PHACTR1: variants seen among roughly 807,000 people sequenced by gnomAD.
The protein encoded by PHACTR1 is phosphatase and actin regulator 1.
In PHACTR1, 16 loss-of-function variants were observed where a neutral mutation model predicts 69.2. The ratio of observed to expected loss-of-function variants is 0.23; its 90% CI spans 0.16 to 0.35. PHACTR1 has a LOEUF of 0.35. PHACTR1 is among the 10% of genes least tolerant of loss of function. The probability of loss-of-function intolerance (pLI) is 1.00; values close to 1 mark genes in which losing one functional copy is unlikely to be tolerated. For missense variants in PHACTR1, 510 were observed against 734.7 expected, an observed-to-expected ratio of 0.69 and a Z score of 3.54; for synonymous variants, 312 against 284.5, an observed-to-expected ratio of 1.10 and a Z score of -0.97.
chr6:12,951,512 C>A (rs1562046338), intron 4 of PHACTR1, among the ~76,000 whole-genome samples: 1 of 152,224 alleles, frequency 6.6e-6, no homozygotes, highest in Non-Finnish European at 1.5e-5. Context: ...GATGAGGAAA[C>A]TGAGGCTCTC....
intron 5 of PHACTR1, among the ~76,000 whole-genome samples, chr6:13,062,845 T>C (rs749766051): frequency 1.3e-5 from 2 of 152,188 alleles, no homozygotes; most frequent in Non-Finnish European, 2.9e-5. Context: ...TAAGACTAGC[T>C]ATGTCCACCA....
intron 4 of PHACTR1, among the ~76,000 whole-genome samples, chr6:12,945,616 G>A (rs1421190887): frequency 6.6e-6 from 1 of 152,160 alleles, no homozygotes; most frequent in African/African-American, 2.4e-5. Flanking sequence ...AGGAAACACT[G>A]GGTAGCAAAG....
chr6:13,033,739 T>C (rs1450536348), intron 4 of PHACTR1, among the ~76,000 whole-genome samples: 2 of 152,190 alleles, frequency 1.3e-5, no homozygotes, highest in Non-Finnish European at 2.9e-5. Flanking sequence ...GTATGAACTA[T>C]TCTAGAAAAG....
chr6:12,879,146 G>T (rs577549971), intron 4 of PHACTR1, among the ~76,000 whole-genome samples: 7 of 152,162 alleles, frequency 4.6e-5, no homozygotes, highest in Non-Finnish European at 8.8e-5. Flanking sequence ...TGCTGGAGGC[G>T]ATGAAAATTT....
At chr6:12,881,918 A>G (rs954833970) in intron 4 of PHACTR1, among the ~76,000 whole-genome samples, 2 of 152,216 alleles carry the variant, frequency 1.3e-5, no homozygotes, top group African/African-American at 4.8e-5. Context: ...GGGATAAAGG[A>G]AGAGTAAAAA....
chr6:13,086,044 G>T (rs1812219295), intron 5 of PHACTR1, among the ~76,000 whole-genome samples: 1 of 109,526 alleles, frequency 9.1e-6, no homozygotes, highest in Non-Finnish European at 1.7e-5. Flanking sequence ...AAAAATCTAG[G>T]CAAAGTAATT....
intron 6 of PHACTR1, among the ~76,000 whole-genome samples, chr6:13,162,095 G>A (rs1583654713): frequency 4.5e-5 from 1 of 22,240 alleles, no homozygotes; most frequent in African/African-American, 2.1e-4. Context: ...CCCTTGTTTT[G>A]TTGTTGTTGT....
intron 3 of PHACTR1, among the ~76,000 whole-genome samples, chr6:12,744,200 C>T (rs1424965167): frequency 6.6e-6 from 1 of 152,174 alleles, no homozygotes; most frequent in Non-Finnish European, 1.5e-5. Flanking sequence ...CTTTTATTGG[C>T]TCTATAAGTC....
intron 4 of PHACTR1, among the ~76,000 whole-genome samples, chr6:12,802,546 T>G (rs1464343955): frequency 6.6e-6 from 1 of 152,192 alleles, no homozygotes; most frequent in East Asian, 1.9e-4. Flanking sequence ...GTGGAATGTA[T>G]TTTCTTTATT....
chr6:13,037,541 A>G (rs982516085), intron 4 of PHACTR1, among the ~76,000 whole-genome samples: 1 of 152,248 alleles, frequency 6.6e-6, no homozygotes, highest in Non-Finnish European at 1.5e-5. Flanking sequence ...TTAGCCAGGC[A>G]GACCGAATGG....
intron 5 of PHACTR1, among the ~76,000 whole-genome samples, chr6:13,141,105 G>A (rs1443372709): frequency 2.6e-5 from 4 of 152,176 alleles, no homozygotes; most frequent in East Asian, 1.9e-4. Context: ...GAAAGAAAAA[G>A]AAAATGGGTT....
At chr6:13,174,087 G>A (rs550687539) in intron 6 of PHACTR1, among the ~76,000 whole-genome samples, 2 of 151,850 alleles carry the variant, frequency 1.3e-5, no homozygotes, top group South Asian at 2.1e-4. Context: ...TACATAAGAC[G>A]AAGTCTCTAT....
chr6:12,718,898 T>G, intron 3 of PHACTR1, 51 bp downstream of exon 3: 21 of 1,125,112 alleles, frequency 1.9e-5, no homozygotes, highest in Non-Finnish European at 2.2e-5. Flanking sequence ...CGGTTTTATA[T>G]GAACAGCCAT....
chr6:13,104,291 T>TA (rs1561835855), intron 5 of PHACTR1, among the ~76,000 whole-genome samples: 1 of 152,150 alleles, frequency 6.6e-6, no homozygotes, highest in African/African-American at 2.4e-5. Context: ...ATAGGAAAGG[T>TA]AAAAAAGAAA....
In PHACTR1 at chr6:13,245,359, A is replaced by G. The variant is rs1376249218; in HGVS notation, c.1391+15166A>G. Among the ~76,000 whole-genome samples the G allele has an allele frequency of 6.6e-6, 1 of 152,168 alleles. No individual in the cohort carries two copies. The highest frequency in any genetic ancestry group is 2.4e-5 in the African/African-American group (1 of 41,436). On this transcript the variant is annotated intron_variant, in intron 10 of 14. Transcript: ENST00000332995. The surrounding 1 kb of genome is among the most constrained non-coding windows in gnomAD (Gnocchi z 4.1). ...ATCTATTATTTTTTGACTTTTTAAT[A>G]ATAGACATTCTGACTGGTGTGAGAT...
chr6:13,140,566 A>T (rs761754868), intron 5 of PHACTR1, among the ~76,000 whole-genome samples: 1 of 152,250 alleles, frequency 6.6e-6, no homozygotes, highest in Non-Finnish European at 1.5e-5. Flanking sequence ...ATTCCACTTA[A>T]TGAGACACCT....
intron 8 of PHACTR1, among the ~76,000 whole-genome samples, chr6:13,223,836 C>T (rs1300237083): frequency 6.6e-6 from 1 of 152,152 alleles, no homozygotes; most frequent in Non-Finnish European, 1.5e-5. Context: ...TAAATGTTCT[C>T]TCTATTCACT....
intron 10 of PHACTR1, among the ~76,000 whole-genome samples, chr6:13,232,780 T>A (rs574957259): frequency 6.6e-6 from 1 of 152,302 alleles, no homozygotes; most frequent in South Asian, 2.1e-4. Context: ...GGTGTGGTTC[T>A]GGGCTACTCC....
At chr6:12,722,791 T>C (rs528382231) in intron 3 of PHACTR1, among the ~76,000 whole-genome samples, 1 of 152,320 alleles carries the variant, frequency 6.6e-6, no homozygotes, top group East Asian at 1.9e-4. Context: ...GTCCTCCTGT[T>C]TGCCTCCTGT....
Sources: gnomAD v4.1 joint callset for allele counts (sites outside exome capture counted in the v4.1 genomes callset) on GRCh38, gnomAD v4.1.1 for gene constraint, Gnocchi (gnomAD v3.1) non-coding constraint, MANE v1.5 for transcripts, NCBI Gene and HGNC (gene_info 2026-07-23, HGNC 2026-07-21) for gene names.